Variants in PHACTR2 observed in about 807,000 individuals in gnomAD.
PHACTR2 encodes the protein chromosome 6 open reading frame 56.
A neutral mutation model predicts 76.0 loss-of-function variants in PHACTR2; 30 were observed. The ratio of observed to expected loss-of-function variants is 0.39; its 90% CI spans 0.30 to 0.54. PHACTR2 has a LOEUF of 0.54. Ranked by LOEUF, PHACTR2 falls within the 20% of genes least tolerant of loss-of-function variation. The pLI, the probability that PHACTR2 is intolerant of heterozygous loss-of-function variation, is 0.61. For synonymous variants in PHACTR2, 292 were observed against 292.5 expected, an observed-to-expected ratio of 1.00 and a Z score of 0.02; for missense variants, 696 against 781.1, an observed-to-expected ratio of 0.89 and a Z score of 1.30.
At chr6:143,773,399 A>AT (rs570763410) in intron 7 of PHACTR2, among the ~76,000 whole-genome samples, 8 of 151,082 alleles carry the variant, frequency 5.3e-5, no homozygotes, top group Non-Finnish European at 8.9e-5. Context: ...AAGTGCTTTT[A>AT]TTTTTTTTTA....
At chr6:143,655,511 A>G (rs1335478509) in intron 1 of PHACTR2, among the ~76,000 whole-genome samples, 1 of 152,230 alleles carries the variant, frequency 6.6e-6, no homozygotes, top group Admixed American at 6.5e-5. Flanking sequence ...AAAATCACAA[A>G]ATATAGATGA....
intron 6 of PHACTR2, among the ~76,000 whole-genome samples, chr6:143,771,687 T>C (rs1264864081): frequency 6.6e-6 from 1 of 152,130 alleles, no homozygotes; most frequent in African/African-American, 2.4e-5. Flanking sequence ...TTCTCCCACT[T>C]CAGCCTTCCA....
intron 1 of PHACTR2, among the ~76,000 whole-genome samples, chr6:143,702,562 T>C (rs925586305): frequency 2.6e-5 from 4 of 152,154 alleles, no homozygotes; most frequent in Non-Finnish European, 4.4e-5. Flanking sequence ...TAGACTCTTA[T>C]CTCTTTCACT....
chr6:143,555,210 C>G (rs940721004), intron 1 of PHACTR2: 1 of 150,444 alleles, frequency 6.6e-6, no homozygotes, highest in Non-Finnish European at 1.5e-5. Context: ...TTACGTCGAG[C>G]CTGCCGAGCT....
At chr6:143,631,385 G>C (rs1030324647) in intron 1 of PHACTR2, among the ~76,000 whole-genome samples, 2 of 152,040 alleles carry the variant, frequency 1.3e-5, no homozygotes, top group Middle Eastern at 3.4e-3. Context: ...TTAGAGATAG[G>C]GTCTCACTGT....
rs1491364053 is a variant in PHACTR2, at chr6:143,757,988, CAT to C, written c.455-2411_455-2410del. ...GCACACACACACACACACACACACA[CAT>C]AACTTAAGAATTACCAGAATGACAA... On this transcript the variant is annotated intron_variant, in intron 4 of 12. Transcript: ENST00000440869. The surrounding 1 kb of genome is among the most constrained non-coding windows in gnomAD (Gnocchi z 4.2). Among the ~76,000 whole-genome samples, 1 of 141,186 alleles carries C rather than the reference CAT, an allele frequency of 7.1e-6. No homozygotes were observed. Among genetic ancestry groups the C allele is most frequent in the South Asian group, 2.1e-4 (1 of 4,814 alleles). The allele number at this position is 141,186 out of a possible 152,430, so 92.6% of individuals were successfully genotyped here.
Position 143,741,188 on chromosome 6 carries a change from C to T in PHACTR2, c.215-7797C>T, listed in dbSNP as rs573563144. Among the ~76,000 whole-genome samples, 8 of 150,324 alleles carry T rather than the reference C, an allele frequency of 5.3e-5. No individual in the cohort carries two copies. In the East Asian group the frequency reaches 1.6e-3, roughly 29 times the overall value. On this transcript the variant is annotated intron_variant, in intron 2 of 12. Transcript: ENST00000440869. ...AGTCAGGAGTTCAAGACCAGCCTGG[C>T]CAACATGGGGAAACCCCATCTCTAC...
At chr6:143,587,824 A>G (rs1342724005) in intron 1 of PHACTR2, among the ~76,000 whole-genome samples, 1 of 151,750 alleles carries the variant, frequency 6.6e-6, no homozygotes, top group East Asian at 1.9e-4. Context: ...GACCAGCCTG[A>G]CCAACATGGA....
intron 2 of PHACTR2, among the ~76,000 whole-genome samples, chr6:143,724,544 A>C (rs1778516063): frequency 6.6e-6 from 1 of 152,098 alleles, no homozygotes; most frequent in Non-Finnish European, 1.5e-5. Flanking sequence ...GTTTATATTT[A>C]TAGATTGCCT....
chr6:143,627,781 T>C lies in PHACTR2; in HGVS notation c.13+19459T>C, dbSNP rs1442285641. Among the ~76,000 whole-genome samples the C allele has an allele frequency of 2.0e-5, 3 of 152,116 alleles. No individual in the cohort carries two copies. Among genetic ancestry groups the C allele is most frequent in the African/African-American group, 7.2e-5 (3 of 41,406 alleles). ...CACGCCCAGCTAATTTTTTGTATTT[T>C]TAGTAGAGATGGAGTTTCACTATGT... On this transcript the variant is annotated intron_variant, in intron 1 of 11. Coordinates refer to the PHACTR2 transcript ENST00000305766. The surrounding 1 kb of genome is among the most constrained non-coding windows in gnomAD (Gnocchi z 4.3).
chr6:143,810,517 AG>A (rs753280873), intron 12 of PHACTR2: 6 of 450,572 alleles, frequency 1.3e-5, no homozygotes, highest in Non-Finnish European at 2.7e-5. Flanking sequence ...GATTTCTATT[AG>A]ATTGGGCATC....
In PHACTR2 at chr6:143,652,213, A is replaced by G. The variant is rs1470962033; in HGVS notation, c.13+43891A>G. 1.3e-5 allele frequency among the ~76,000 whole-genome samples: 2 copies of G among 152,216 alleles called. No homozygotes were observed. Among genetic ancestry groups the G allele is most frequent in the Non-Finnish European group, 2.9e-5 (2 of 68,042 alleles). On this transcript the variant is annotated intron_variant, in intron 1 of 11. Transcript: ENST00000305766. The surrounding 1 kb of genome is among the most constrained non-coding windows in gnomAD (Gnocchi z 4.5). ...GCCACTACTTGCTTTCATTTCTTGA[A>G]ATACATTTCTTTAAATACATACCAT...
intron 1 of PHACTR2, among the ~76,000 whole-genome samples, chr6:143,642,327 G>A (rs538673255): frequency 2.0e-5 from 3 of 152,280 alleles, no homozygotes; most frequent in Admixed American, 2.0e-4. Context: ...AGCACTTCGC[G>A]AACCTAAAAA....
Position 143,793,048 on chromosome 6 carries a change from A to G in PHACTR2, c.1845+4138A>G, listed in dbSNP as rs1309495603. 1.3e-5 allele frequency among the ~76,000 whole-genome samples: 2 copies of G among 152,204 alleles called. No individual in the cohort carries two copies. Among genetic ancestry groups the G allele is most frequent in the Non-Finnish European group, 2.9e-5 (2 of 68,034 alleles). Reference sequence around the variant, plus strand: ...TTTTCCACACCCACCATTCCCAGCTATCTTATTATTCAAATGCAAAACTTC... The same window carrying G: ...TTTTCCACACCCACCATTCCCAGCTGTCTTATTATTCAAATGCAAAACTTC... On this transcript the variant is annotated intron_variant, in intron 11 of 12. Coordinates refer to ENST00000440869, the MANE Select transcript of PHACTR2 (RefSeq NM_001100164.2). This position sits in a 1 kb window ranked among gnomAD's most constrained non-coding sequence, Gnocchi z 4.4.
chr6:143,650,403 C>A (rs1776740566), intron 1 of PHACTR2, among the ~76,000 whole-genome samples: 1 of 152,064 alleles, frequency 6.6e-6, no homozygotes. Flanking sequence ...GCAAAAAGAA[C>A]AAAGCTGGAG....
At chr6:143,566,245 T>C (rs1019455711) in intron 1 of PHACTR2, among the ~76,000 whole-genome samples, 1 of 151,940 alleles carries the variant, frequency 6.6e-6, no homozygotes, top group Non-Finnish European at 1.5e-5. Flanking sequence ...ATTACAGGCA[T>C]GAACCACTGC....
intron 1 of PHACTR2, among the ~76,000 whole-genome samples, chr6:143,601,447 T>A (rs1775813938): frequency 6.6e-6 from 1 of 152,210 alleles, no homozygotes; most frequent in African/African-American, 2.4e-5. Flanking sequence ...CAGGTTTTTT[T>A]AGGAGTACAA....
rs746184541 is a variant in PHACTR2, at chr6:143,646,071, A to G, written c.13+37749A>G. Among the ~76,000 whole-genome samples, 70 of 152,348 alleles carry G rather than the reference A, an allele frequency of 4.6e-4. No homozygotes were observed. Among genetic ancestry groups the G allele is most frequent in the Admixed American group, 7.8e-4 (12 of 15,306 alleles). ...ATGCAGAGATAAACGTGTCAGAAACAATAGAATACTTTTTTTAATATTTTA... is the reference window on the plus strand; with the variant it reads ...ATGCAGAGATAAACGTGTCAGAAACGATAGAATACTTTTTTTAATATTTTA... On this transcript the variant is annotated intron_variant, in intron 1 of 11. Coordinates refer to the PHACTR2 transcript ENST00000305766. This position sits in a 1 kb window ranked among gnomAD's most constrained non-coding sequence, Gnocchi z 4.1.
rs1409916139 is a variant in PHACTR2, at chr6:143,775,704, TGAA to T, written c.1589+1496_1589+1498del. ...TATTACTCTTGTTTATGTTTTACTATGAAGAAGAATGTAAATCATTGAATAATA... is the reference window on the plus strand; with the variant it reads ...TATTACTCTTGTTTATGTTTTACTATGAAGAATGTAAATCATTGAATAATA... On this transcript the variant is annotated intron_variant, in intron 8 of 12. Transcript: ENST00000440869. This position sits in a 1 kb window ranked among gnomAD's most constrained non-coding sequence, Gnocchi z 4.4. Among the ~76,000 whole-genome samples, 2 of 152,208 alleles carry T rather than the reference TGAA, an allele frequency of 1.3e-5. No individual in the cohort carries two copies. The highest frequency in any genetic ancestry group is 2.9e-5 in the Non-Finnish European group (2 of 68,028).
Sources: gnomAD v4.1 joint callset for allele counts (sites outside exome capture counted in the v4.1 genomes callset) on GRCh38, gnomAD v4.1.1 for gene constraint, Gnocchi (gnomAD v3.1) non-coding constraint, MANE v1.5 for transcripts, NCBI Gene and HGNC (gene_info 2026-07-23, HGNC 2026-07-21) for gene names.